The following MSI2 variants were observed in gnomAD, a reference collection of about 807,000 sequenced individuals.
MSI2 encodes musashi RNA binding protein 2.
A neutral mutation model predicts 45.6 loss-of-function variants in MSI2; 17 were observed. The observed-to-expected ratio is 0.37, with a 90% CI of 0.26 to 0.56. The LOEUF is 0.56. MSI2 is among the 20% of genes least tolerant of loss of function. MSI2 has a pLI of 0.77. For synonymous variants in MSI2, 156 were observed against 158.2 expected (o/e 0.99, Z 0.11); for missense variants, 293 against 444.2 (o/e 0.66, Z 3.06).
intron 6 of MSI2, among the ~76,000 whole-genome samples, chr17:57,511,605 G>T (rs1402844906): frequency 6.6e-6 from 1 of 151,442 alleles, no homozygotes; most frequent in Non-Finnish European, 1.5e-5. Context: ...GTTTCCCGGG[G>T]TTGATGCAGC....
At chr17:57,474,523 C>A (rs567162754) in intron 6 of MSI2, among the ~76,000 whole-genome samples, 6 of 152,168 alleles carry the variant, frequency 3.9e-5, no homozygotes, top group African/African-American at 1.4e-4. Context: ...CCAATAGCAT[C>A]CCCCACCCCC....
chr17:57,545,882 G>A (rs757361747), intron 7 of MSI2, among the ~76,000 whole-genome samples: 4 of 151,930 alleles, frequency 2.6e-5, no homozygotes, highest in Admixed American at 1.3e-4. Context: ...CTTATCTGGC[G>A]CAGGCATTAT....
intron 6 of MSI2, among the ~76,000 whole-genome samples, chr17:57,525,704 A>C (rs112862202): frequency 0.019 from 2,967 of 152,284 alleles, 99 homozygotes; most frequent in African/African-American, 0.062. Flanking sequence ...CCTTTTCCCA[A>C]AACAGACCAG....
At chr17:57,324,238 T>C (rs1007756147) in intron 5 of MSI2, among the ~76,000 whole-genome samples, 1 of 152,120 alleles carries the variant, frequency 6.6e-6, no homozygotes, top group African/African-American at 2.4e-5. Context: ...CAGCACAACA[T>C]GGGCTGAGGC....
In MSI2 at chr17:57,590,846, C is replaced by A. The variant is rs1904764083; in HGVS notation, c.455-6022C>A. Among the ~76,000 whole-genome samples, 3 of 152,186 alleles carry A rather than the reference C, an allele frequency of 2.0e-5. No homozygotes were observed. The South Asian group carries it at 6.2e-4, about 32-fold the overall frequency. On this transcript the variant is annotated intron_variant, in intron 7 of 13. Transcript: ENST00000284073. Reference sequence around the variant, plus strand: ...TTCTGGCCCTTTGTTTCTCCCACCTCCCCTAGTTGTCAGTCCCTGGGTCTC... The same window carrying A: ...TTCTGGCCCTTTGTTTCTCCCACCTACCCTAGTTGTCAGTCCCTGGGTCTC...
chr17:57,460,139 AT>A (rs2085197476), intron 6 of MSI2, among the ~76,000 whole-genome samples: 8 of 117,332 alleles, frequency 6.8e-5, no homozygotes, highest in African/African-American at 2.6e-4. Context: ...AAATAAATAA[AT>A]AAATAAATAA....
At chr17:57,354,791 G>T (rs1916298639) in intron 5 of MSI2, among the ~76,000 whole-genome samples, 1 of 152,170 alleles carries the variant, frequency 6.6e-6, no homozygotes, top group Non-Finnish European at 1.5e-5. Flanking sequence ...ATGGGATGTT[G>T]TTGGAAGGAT....
chr17:57,307,286 C>T (rs1043827588), intron 5 of MSI2, among the ~76,000 whole-genome samples: 3 of 152,196 alleles, frequency 2.0e-5, no homozygotes, highest in Non-Finnish European at 4.4e-5. Context: ...GCAGGTTACT[C>T]TCCATGGGCA....
At chr17:57,447,293 G>C (rs2084917467) in intron 6 of MSI2, among the ~76,000 whole-genome samples, 1 of 152,110 alleles carries the variant, frequency 6.6e-6, no homozygotes, top group Non-Finnish European at 1.5e-5. Context: ...TTGTAGGTAT[G>C]ATACCTCCCT....
intron 5 of MSI2, 62 bp from the exon 6 acceptor site, chr17:57,401,317 C>G: frequency 7.4e-7 from 1 of 1,353,590 alleles, no homozygotes; most frequent in East Asian, 2.3e-5. Flanking sequence ...TTTCAGCAGC[C>G]TCTTGAGCCC....
At chr17:57,416,773 G>C (rs947966576) in intron 6 of MSI2, among the ~76,000 whole-genome samples, 1 of 152,214 alleles carries the variant, frequency 6.6e-6, no homozygotes, top group Non-Finnish European at 1.5e-5. Context: ...CTGGACGACA[G>C]TACATTCAGG....
At chr17:57,403,253 CA>C (rs1246262819) in intron 6 of MSI2, among the ~76,000 whole-genome samples, 1 of 152,204 alleles carries the variant, frequency 6.6e-6, no homozygotes, top group Non-Finnish European at 1.5e-5. Flanking sequence ...TGCACGTCCC[CA>C]ACCCTTGGTT....
chr17:57,367,288 T>G (rs1032063646), intron 5 of MSI2, among the ~76,000 whole-genome samples: 8 of 149,672 alleles, frequency 5.3e-5, no homozygotes, highest in African/African-American at 2.0e-4. Context: ...GATTAAAATG[T>G]TTTTTTTTCC....
intron 5 of MSI2, among the ~76,000 whole-genome samples, chr17:57,334,948 C>CTTT (rs199679226): frequency 6.9e-5 from 10 of 144,426 alleles, no homozygotes; most frequent in African/African-American, 2.0e-4. Flanking sequence ...GAGCAAGTAG[C>CTTT]TTTTTTTTTT....
chr17:57,479,934 A>G (rs2085615001), intron 6 of MSI2, among the ~76,000 whole-genome samples: 1 of 152,244 alleles, frequency 6.6e-6, no homozygotes, highest in Admixed American at 6.5e-5. Flanking sequence ...GGTCAGAACA[A>G]CTGAAATGTG....
chr17:57,529,612 T>G lies in MSI2; in HGVS notation c.406-64T>G. ...CTACCCCCTCACCCCCCGACATGCA[T>G]ATAATGTTTTGTGTACTTTCTTAAA... is the stretch of plus-strand genomic sequence containing the variant. On this transcript the variant is annotated intron_variant, in intron 6 of 13. Coordinates refer to ENST00000284073, the MANE Select transcript of MSI2 (RefSeq NM_138962.4). This position sits in a 1 kb window ranked among gnomAD's most constrained non-coding sequence, Gnocchi z 5.3. The G allele has an allele frequency of 1.2e-5, 17 of 1,425,804 alleles. No individual in the cohort carries two copies. The highest frequency in any genetic ancestry group is 4.6e-5 in the East Asian group (2 of 43,206). 88.3% of individuals were successfully genotyped at this position (1,425,804 alleles called of 1,614,324 possible).
chr17:57,380,948 G>T (rs73325494), intron 5 of MSI2, among the ~76,000 whole-genome samples: 4,541 of 152,134 alleles, frequency 0.03, 246 homozygotes, highest in African/African-American at 0.1. Context: ...AGCAGTCCTG[G>T]CCTGGAATTC....
chr17:57,664,991 C>T (rs753019223), intron 11 of MSI2, among the ~76,000 whole-genome samples: 2 of 152,192 alleles, frequency 1.3e-5, no homozygotes, highest in Non-Finnish European at 2.9e-5. Flanking sequence ...GTGTGTAACA[C>T]GGGGCTCAAG....
At chr17:57,312,000 G>A (rs2143611383) in intron 5 of MSI2, among the ~76,000 whole-genome samples, 1 of 152,316 alleles carries the variant, frequency 6.6e-6, no homozygotes, top group Admixed American at 6.5e-5. Flanking sequence ...ATCCGGCCAG[G>A]TATTGCCTTT....
Sources: allele counts gnomAD v4.1 joint callset (sites outside exome capture counted in the v4.1 genomes callset), GRCh38; gene constraint gnomAD v4.1.1; non-coding constraint Gnocchi (gnomAD v3.1); transcripts MANE v1.5; gene names NCBI Gene and HGNC (gene_info 2026-07-23, HGNC 2026-07-21).